The following FAAH2 variants were observed in gnomAD, a reference collection of about 807,000 sequenced individuals.
FAAH2 encodes the protein fatty acid amide hydrolase 2.
A neutral mutation model predicts 36.9 loss-of-function variants in FAAH2; 60 were observed. That is an observed-to-expected ratio of 1.63 (90% CI 1.32 to 2.02). FAAH2 has a LOEUF of 2.02. Among genes scored for constraint, FAAH2 ranks in the 30% most tolerant of loss-of-function variants. FAAH2 has a pLI of 0.00. For synonymous variants in FAAH2, 214 were observed against 143.8 expected (o/e 1.49, Z -3.49); for missense variants, 689 against 397.5 (o/e 1.73, Z -6.23).
chrX:57,442,791 G>T (rs750375289), intron 8 of FAAH2, among the ~76,000 whole-genome samples: 8 of 111,726 alleles, frequency 7.2e-5, no homozygotes, highest in Admixed American at 5.7e-4. Context: ...AGGAGCTCTT[G>T]TAAGGCAGGC....
intron 5 of FAAH2, among the ~76,000 whole-genome samples, chrX:57,368,662 C>T (rs897575980): frequency 3.6e-5 from 4 of 111,577 alleles, no homozygotes; most frequent in African/African-American, 1.3e-4. Context: ...ATTGCACTCA[C>T]TGGAATCAAA....
At chrX:57,373,714 T>G (rs1339515937) in intron 5 of FAAH2, among the ~76,000 whole-genome samples, 2 of 112,019 alleles carry the variant, frequency 1.8e-5, no homozygotes, top group South Asian at 3.7e-4. Context: ...GCAAAAGCTC[T>G]TTAGTTTAAT....
chrX:57,481,373 T>G (rs994226557), intron 10 of FAAH2, among the ~76,000 whole-genome samples: 3 of 111,961 alleles, frequency 2.7e-5, no homozygotes, highest in Non-Finnish European at 5.6e-5. Context: ...CTCATCTTCA[T>G]GTATTTATTT....
At chrX:57,151,416 G>C in the FAAH2 span, among the ~76,000 whole-genome samples, 2 of 111,629 alleles carry the variant, frequency 1.8e-5, no homozygotes, top group Non-Finnish European at 3.8e-5. Context: ...CATAGATTTG[G>C]TCTTTTCACA....
intron 5 of FAAH2, among the ~76,000 whole-genome samples, chrX:57,357,902 A>G (rs1392986824): frequency 1.8e-5 from 2 of 111,683 alleles, no homozygotes; most frequent in African/African-American, 6.5e-5. Context: ...TTATTGAAGC[A>G]CTGTTCACAA....
chrX:57,317,714 T>C (rs2052886089), intron 3 of FAAH2, among the ~76,000 whole-genome samples: 1 of 111,950 alleles, frequency 8.9e-6, no homozygotes, highest in Non-Finnish European at 1.9e-5. Flanking sequence ...AGAATACACA[T>C]TCTTCTCAGC....
intron 10 of FAAH2, among the ~76,000 whole-genome samples, chrX:57,483,066 G>T (rs1461146870): frequency 2.7e-5 from 3 of 111,133 alleles, no homozygotes; most frequent in South Asian, 7.5e-4. Flanking sequence ...AGCAAGATTA[G>T]CAAAATGTTC....
At chrX:57,212,887 C>T in the FAAH2 span, among the ~76,000 whole-genome samples, 5 of 111,749 alleles carry the variant, frequency 4.5e-5, no homozygotes, top group Non-Finnish European at 9.4e-5. Flanking sequence ...AGAATAATTT[C>T]AGGAGGGTTG....
chrX:57,175,729 G>A, the FAAH2 span, among the ~76,000 whole-genome samples: 2 of 111,403 alleles, frequency 1.8e-5, no homozygotes, highest in Admixed American at 1.9e-4. Flanking sequence ...TCAAGCTTTA[G>A]AACTCCTTTT....
intron 7 of FAAH2, among the ~76,000 whole-genome samples, chrX:57,391,340 T>C (rs1004305316): frequency 8.9e-6 from 1 of 111,905 alleles, no homozygotes; most frequent in African/African-American, 3.2e-5. Flanking sequence ...ATTTGTGTAC[T>C]TTTGTTTTCG....
chrX:57,434,077 A>T (rs1485838048), intron 8 of FAAH2, among the ~76,000 whole-genome samples: 2 of 108,651 alleles, frequency 1.8e-5, no homozygotes, highest in African/African-American at 6.8e-5. Flanking sequence ...TAATGAAATT[A>T]AATTGATTTT....
chrX:57,296,722 T>C (rs945055517), intron 2 of FAAH2, among the ~76,000 whole-genome samples: 28 of 111,154 alleles, frequency 2.5e-4, no homozygotes, highest in South Asian at 3.8e-4. Flanking sequence ...ATTAGATGAA[T>C]GGCTAACTAC....
At chrX:57,195,507 G>GATGCA in the FAAH2 span, among the ~76,000 whole-genome samples, 1 of 111,671 alleles carries the variant, frequency 9.0e-6, no homozygotes. Flanking sequence ...CTAGGTATTA[G>GATGCA]TCCTTTTTCA....
chrX:57,321,079 G>T (rs1377063720), intron 3 of FAAH2, among the ~76,000 whole-genome samples: 2 of 110,327 alleles, frequency 1.8e-5, no homozygotes, highest in Admixed American at 1.9e-4. Flanking sequence ...GGCGGAGTTT[G>T]CAGTGAGCCC....
chrX:57,293,577 T>C (rs911826334), intron 2 of FAAH2, among the ~76,000 whole-genome samples: 4 of 112,067 alleles, frequency 3.6e-5, no homozygotes, highest in Non-Finnish European at 7.5e-5. Flanking sequence ...ACTTGTCTCT[T>C]TCTTCTGTGA....
At chrX:57,475,299 G>A (rs1434220488) in intron 10 of FAAH2, among the ~76,000 whole-genome samples, 1 of 111,346 alleles carries the variant, frequency 9.0e-6, no homozygotes, top group Non-Finnish European at 1.9e-5. Flanking sequence ...TATTGCCTAG[G>A]GTTTCTTCTG....
the FAAH2 span, among the ~76,000 whole-genome samples, chrX:57,261,185 T>C: frequency 9.0e-6 from 1 of 111,474 alleles, no homozygotes; most frequent in East Asian, 2.8e-4. Flanking sequence ...ACCCATGCAG[T>C]GGGATTCTAA....
the FAAH2 span, among the ~76,000 whole-genome samples, chrX:57,189,936 G>T: frequency 1.8e-5 from 2 of 112,301 alleles, no homozygotes; most frequent in Admixed American, 1.9e-4. Context: ...AACCGTATTT[G>T]TCAAAATTAC....
intron 7 of FAAH2, among the ~76,000 whole-genome samples, chrX:57,409,321 A>G (rs1341063357): frequency 9.0e-6 from 1 of 110,923 alleles, no homozygotes; most frequent in Non-Finnish European, 1.9e-5. Flanking sequence ...TATGTTGAAG[A>G]TTTTTGTGTT....
Sources: gnomAD v4.1 joint callset for allele counts (sites outside exome capture counted in the v4.1 genomes callset) on GRCh38, gnomAD v4.1.1 for gene constraint, MANE v1.5 for transcripts, NCBI Gene and HGNC (gene_info 2026-07-23, HGNC 2026-07-21) for gene names.